The following MRPL28 variants were observed in gnomAD, a reference collection of about 807,000 sequenced individuals.
The protein encoded by MRPL28 is large ribosomal subunit protein bL28m.
Under a neutral mutation model 26.2 loss-of-function variants are expected in MRPL28, and 25 were observed. The observed-to-expected ratio is 0.95, with a 90% confidence interval of 0.69 to 1.33. The LOEUF is 1.33. MRPL28 is among the 40% of genes most tolerant of loss of function. MRPL28 has a pLI of 0.00. For synonymous variants in MRPL28, 227 were observed against 140.1 expected (o/e 1.62, Z -4.38); for missense variants, 432 against 327.2 (o/e 1.32, Z -2.47).
Position 369,965 on chromosome 16 carries a change from C to T in MRPL28, c.254G>A (p.Trp85Ter), listed in dbSNP as rs1444255660. Residue 85 changes from tryptophan to a stop codon, truncating the protein, a stop_gained, in exon 2 of 6, where the codon TGG (tryptophan) becomes TAG (stop). Coordinates refer to ENST00000199706, the MANE Select transcript of MRPL28 (RefSeq NM_006428.5). LOFTEE classifies it high-confidence loss of function. ...GTTGGCATATATTTGGCCCAGGATC[C>T]AGCCCTCGCCGCCCCACAACCCCCG... ...SQRGLWGGEG[W>*]ILGQIYANND... The T allele has an allele frequency of 1.2e-6, 2 of 1,612,328 alleles. No homozygotes were observed. Among genetic ancestry groups the T allele is most frequent in the Non-Finnish European group, 1.7e-6 (2 of 1,179,816 alleles).
rs973912071 is a variant in MRPL28, at chr16:368,366, C to T, written c.625G>A (p.Glu209Lys). The change falls in exon 5 of 6, where the codon GAG becomes AAG. Residue 209 changes from glutamate to lysine, a missense_variant. By Grantham distance (56) the Glu-to-Lys change is moderately conservative (BLOSUM62 1). Coordinates refer to ENST00000199706, the MANE Select transcript of MRPL28 (RefSeq NM_006428.5). ...AGTCTCTGCTTCTCAATGGCCTCCT[C>T]CAGCGTGAGGCCCACCCACTCTGCC... ...EEAEWVGLTL[E>K]EAIEKQRLLE... The T allele has an allele frequency of 4.3e-6, 7 of 1,613,814 alleles. No homozygotes were observed. The African/African-American group carries it at 5.3e-5, about 12-fold the overall frequency.
rs778126943 is a variant in MRPL28 at position 369,168 on chromosome 16, A to G, written c.341T>C (p.Phe114Ser). The change falls in exon 3 of 6, where the codon TTC (phenylalanine) becomes TCC (serine). Residue 114 changes from phenylalanine to serine, a missense_variant. By Grantham distance (155) the Phe-to-Ser change is radical. Transcript: ENST00000199706. ...CTTCTTGTCCAGGATCTCACTGTAG[A>G]ACTCTCGCTCAAACAGCTGTGGCTT... is the stretch of plus-strand genomic sequence containing the variant. Reference protein sequence around the residue: ...VWKPQLFEREFYSEILDKKFT... With the variant: ...VWKPQLFERESYSEILDKKFT... 24 of 1,613,902 alleles carry G rather than the reference A, an allele frequency of 1.5e-5. No homozygotes were observed. The Admixed American group carries it at 1.7e-4, about 11-fold the overall frequency.
chr16:369,471 C>T, intron 2 of MRPL28: 1 of 633,342 alleles, frequency 1.6e-6, no homozygotes, highest in Non-Finnish European at 2.9e-6. Context: ...CACATGGTTG[C>T]TGCATGTGTT....
chr16:368,716 T>G (rs2054285099), intron 3 of MRPL28, 81 bp from the exon 4 acceptor site: 34 of 1,504,180 alleles, frequency 2.3e-5, no homozygotes, highest in Non-Finnish European at 3.0e-5. Context: ...GGCTCCTCTC[T>G]AGCCGCTGGT....
chr16:369,076 T>G lies in MRPL28; in HGVS notation c.433A>C (p.Ile145Leu), dbSNP rs1264601465. The G allele has an allele frequency of 6.2e-7, 1 of 1,613,608 alleles. No homozygotes were observed. The highest frequency in any genetic ancestry group is 8.5e-7 in the Non-Finnish European group (1 of 1,179,862). ...CGCCCCACCCCGCTTGCCTTGAGGA[T>G]GTAAAAGTCGAGCCCATAAGCCTCA... Reference protein sequence around the residue: ...IDEAYGLDFYILKTPKEDLCS... With the variant: ...IDEAYGLDFYLLKTPKEDLCS... The change falls in exon 3 of 6, where the codon ATC becomes CTC. Residue 145 changes from isoleucine to leucine, a missense_variant. Ile to Leu is a conservative substitution (Grantham distance 5). Coordinates refer to ENST00000199706, the MANE Select transcript of MRPL28 (RefSeq NM_006428.5).
chr16:368,338 AAAAG>A lies in MRPL28; in HGVS notation c.649_652del (p.Leu217TrpfsTer17). The A allele has an allele frequency of 6.2e-7, 1 of 1,613,532 alleles. No homozygotes were observed. The highest frequency in any genetic ancestry group is 8.5e-7 in the Non-Finnish European group (1 of 1,179,964). ...TGCTCACACACTCACCTTCTCCTCC[AAAAG>A]TCTCTGCTTCTCAATGGCCTCCTCC... On this transcript the variant is annotated frameshift_variant, in exon 5 of 6. Coordinates refer to ENST00000199706, the MANE Select transcript of MRPL28 (RefSeq NM_006428.5). LOFTEE classifies it high-confidence loss of function.
In MRPL28 at chr16:367,789, G is replaced by A; in HGVS notation, c.664-7C>T. The A allele has an allele frequency of 1.2e-6, 2 of 1,612,180 alleles. No individual in the cohort carries two copies. Among genetic ancestry groups the A allele is most frequent in the Non-Finnish European group, 8.5e-7 (1 of 1,178,752 alleles). Reference sequence around the variant, plus strand: ...TGAACAGGGGTACAGGGTCCTGAAGGAGAGAGGGGCTCATGGTGAGGCCAG... The same window carrying A: ...TGAACAGGGGTACAGGGTCCTGAAGAAGAGAGGGGCTCATGGTGAGGCCAG... On this transcript the variant is annotated splice_polypyrimidine_tract_variant and splice_region_variant and intron_variant, in intron 5 of 5. Coordinates refer to ENST00000199706, the MANE Select transcript of MRPL28 (RefSeq NM_006428.5).
In MRPL28 at chr16:370,134, G is replaced by C; in HGVS notation, c.85C>G (p.Leu29Val). 1 of 1,606,642 alleles carries C rather than the reference G, an allele frequency of 6.2e-7. No individual in the cohort carries two copies. Among genetic ancestry groups the C allele is most frequent in the Non-Finnish European group, 8.5e-7 (1 of 1,177,632 alleles). Reference protein sequence around the residue: ...GICSRLPGHYLRSLEEERTPT... With the variant: ...GICSRLPGHYVRSLEEERTPT... ...GTCCGCTCCTCCTCCAGGGAGCGCA[G>C]GTAGTGGCCGGGCAGGCGGGAACAG... Residue 29 changes from leucine to valine, a missense_variant, in exon 2 of 6, where the codon CTG becomes GTG. Transcript: ENST00000199706.
chr16:368,576 C>T lies in MRPL28; in HGVS notation c.501G>A (p.Leu167=), dbSNP rs1295343714. The change falls in exon 4 of 6, where the codon CTG becomes CTA. Residue 167 remains leucine (L), a synonymous_variant. Transcript: ENST00000199706. ...GCTGGGGGTCCTGCCGGGCAAGCCG[C>T]AGCAGCATCCCTCGCTTCAGGTCCA... ...FGMDLKRGML[L]RLARQDPQLH... 8 of 1,598,892 alleles carry T rather than the reference C, an allele frequency of 5.0e-6. No individual in the cohort carries two copies. Among genetic ancestry groups the T allele is most frequent in the Middle Eastern group, 1.7e-4 (1 of 6,014 alleles).
chr16:369,570 G>A (rs559876233), intron 2 of MRPL28: 11 of 616,850 alleles, frequency 1.8e-5, no homozygotes, highest in East Asian at 8.1e-5. Flanking sequence ...CAGCAGTCCC[G>A]CCAGGAAGTC....
intron 4 of MRPL28, 31 bp downstream of exon 4, chr16:368,470 C>T (rs1465334807): frequency 6.2e-7 from 1 of 1,612,466 alleles, no homozygotes; most frequent in Non-Finnish European, 8.5e-7. Context: ...CACGAGTCCC[C>T]AGGTGTAGGG....
chr16:369,061 C>T lies in MRPL28; in HGVS notation c.441+7G>A, dbSNP rs557552106. 1.8e-4 allele frequency: 290 copies of T among 1,612,832 alleles called. 3 individuals carry two copies. In the South Asian group the frequency reaches 3.0e-3, roughly 16 times the overall value. ...CTGTGTGCACTGACTCGCCCCACCC[C>T]GCTTGCCTTGAGGATGTAAAAGTCG... is the stretch of plus-strand genomic sequence containing the variant. On this transcript the variant is annotated splice_region_variant and intron_variant, in intron 3 of 5. Coordinates refer to ENST00000199706, the MANE Select transcript of MRPL28 (RefSeq NM_006428.5).
chr16:370,116 C>T lies in MRPL28; in HGVS notation c.103G>A (p.Glu35Lys), dbSNP rs745702240. 1.7e-5 allele frequency: 28 copies of T among 1,609,356 alleles called. No individual in the cohort carries two copies. The highest frequency in any genetic ancestry group is 1.7e-5 in the Non-Finnish European group (20 of 1,178,494). The change falls in exon 2 of 6, where the codon GAG becomes AAG. Residue 35 changes from glutamate (E) to lysine (K), a missense_variant. Physicochemically the swap from Glu to Lys is moderately conservative, Grantham distance 56. Transcript: ENST00000199706. Reference sequence around the variant, plus strand: ...TAGTGCACGGGAGTGGGCGTCCGCTCCTCCTCCAGGGAGCGCAGGTAGTGG... The same window carrying T: ...TAGTGCACGGGAGTGGGCGTCCGCTTCTCCTCCAGGGAGCGCAGGTAGTGG... ...PGHYLRSLEEERTPTPVHYRP... is the reference protein window; with the variant it reads ...PGHYLRSLEEKRTPTPVHYRP...
rs2054272853 is a variant in MRPL28 at position 367,738 on chromosome 16, C to G, written c.708G>C (p.Gln236His). 42 of 1,613,774 alleles carry G rather than the reference C, an allele frequency of 2.6e-5. No individual in the cohort carries two copies. The highest frequency in any genetic ancestry group is 3.5e-5 in the Non-Finnish European group (41 of 1,180,028). ...CTGACAGTGCCTGCTGCTGCAGCTG[C>G]TGGATCAGCTCCGCCACATAGATCT... ...LFKIYVAELI[Q>H]QLQQQALSEP... The change falls in exon 6 of 6, where the codon CAG becomes CAC. Residue 236 changes from glutamine (Q) to histidine (H), a missense_variant. Physicochemically the swap from Gln to His is conservative, Grantham distance 24. Transcript: ENST00000199706.
rs200536779 is a variant in MRPL28 at position 370,061 on chromosome 16, T to G, written c.158A>C (p.Asn53Thr). The stretch of plus-strand genomic sequence containing the variant: ...ACGCTCCCGCTGCCCGTTCTTGGGG[T>G]TGATCTTGAACTTGGCCCCATGAGG... ...YRPHGAKFKI[N>T]PKNGQRERVE... is the part of the protein sequence containing the mutation. The change falls in exon 2 of 6, where the codon AAC (asparagine) becomes ACC (threonine). Residue 53 changes from asparagine (N) to threonine (T), a missense_variant. Asn to Thr is a moderately conservative substitution (Grantham distance 65). Coordinates refer to ENST00000199706, the MANE Select transcript of MRPL28 (RefSeq NM_006428.5). 2.5e-5 allele frequency: 40 copies of G among 1,612,846 alleles called. No individual in the cohort carries two copies. The Admixed American group carries it at 5.5e-4, about 22-fold the overall frequency.
At position 369,145 on chromosome 16, in the gene MRPL28, T is replaced by C; in HGVS notation, c.364A>G (p.Lys122Glu). The C allele has an allele frequency of 1.2e-6, 2 of 1,614,072 alleles. No individual in the cohort carries two copies. Among genetic ancestry groups the C allele is most frequent in the Non-Finnish European group, 1.7e-6 (2 of 1,179,952 alleles). The change falls in exon 3 of 6, where the codon AAG (lysine) becomes GAG (glutamate). Residue 122 changes from lysine (K) to glutamate (E), a missense_variant. Transcript: ENST00000199706. ...CGCATGGTCACAGTCACTGTGAACT[T>C]CTTGTCCAGGATCTCACTGTAGAAC... ...REFYSEILDK[K>E]FTVTVTMRTL...
intron 2 of MRPL28, chr16:369,539 C>T (rs551279961): frequency 5.0e-5 from 35 of 693,640 alleles, no homozygotes; most frequent in South Asian, 4.3e-4. Context: ...CTGGAGGTGA[C>T]ACAAGTCTCC....
rs764864783 is a variant in MRPL28, at chr16:370,144, G to A, written c.75C>T (p.Pro25=). ...QLREGICSRL[P]GHYLRSLEEE... ...CCTCCAGGGAGCGCAGGTAGTGGCCGGGCAGGCGGGAACAGATGCCCTCCC... is the reference window on the plus strand; with the variant it reads ...CCTCCAGGGAGCGCAGGTAGTGGCCAGGCAGGCGGGAACAGATGCCCTCCC... Residue 25 remains proline (P), a synonymous_variant, in exon 2 of 6, where the codon CCC becomes CCT. Coordinates refer to ENST00000199706, the MANE Select transcript of MRPL28 (RefSeq NM_006428.5). The A allele has an allele frequency of 1.9e-6, 3 of 1,602,766 alleles. No individual in the cohort carries two copies. Among genetic ancestry groups the A allele is most frequent in the East Asian group, 2.3e-5 (1 of 44,442 alleles).
chr16:368,218 C>A, intron 5 of MRPL28, 110 bp downstream of exon 5: 2 of 1,315,202 alleles, frequency 1.5e-6, no homozygotes, highest in Non-Finnish European at 2.2e-6. Flanking sequence ...CTTCCCCAAG[C>A]CCACCCAGTG....
Sources: gnomAD v4.1 joint callset for allele counts on GRCh38, gnomAD v4.1.1 for gene constraint, MANE v1.5 for transcripts, NCBI Gene and HGNC (gene_info 2026-07-23, HGNC 2026-07-21) for gene names.